Variants in GRID2 observed in about 807,000 individuals in gnomAD.
The protein encoded by GRID2 is glutamate ionotropic receptor delta type subunit 2, also known as glutamate receptor ionotropic, delta-2.
A neutral mutation model predicts 114.8 loss-of-function variants in GRID2; 33 were observed. The observed-to-expected ratio is 0.29, with a 90% CI of 0.22 to 0.38. The LOEUF is 0.38. GRID2 is among the 10% of genes least tolerant of loss of function. The pLI is 1.00. For synonymous variants in GRID2, 505 were observed against 449.9 expected (o/e 1.12, Z -1.55); for missense variants, 1,184 against 1,257.7 (o/e 0.94, Z 0.89).
chr4:93,652,826 A>G (rs1335502564), intron 14 of GRID2, among the ~76,000 whole-genome samples: 8 of 102,872 alleles, frequency 7.8e-5, no homozygotes, highest in South Asian at 3.0e-4. Flanking sequence ...ACTGGAACAA[A>G]AGAGACACCA....
At chr4:92,914,945 A>G (rs971787645) in intron 2 of GRID2, among the ~76,000 whole-genome samples, 22 of 152,074 alleles carry the variant, frequency 1.4e-4, no homozygotes, top group African/African-American at 5.3e-4. Flanking sequence ...GTCTATCTTC[A>G]TGTTGCTATA....
At chr4:92,838,365 T>G in intron 2 of GRID2, among the ~76,000 whole-genome samples, 1 of 152,226 alleles carries the variant, frequency 6.6e-6, no homozygotes, top group East Asian at 1.9e-4. Flanking sequence ...TGTGTCTTTG[T>G]GAGCATGAAA....
At chr4:92,853,357 GAA>G (rs1743960094) in intron 2 of GRID2, among the ~76,000 whole-genome samples, 1 of 151,978 alleles carries the variant, frequency 6.6e-6, no homozygotes, top group African/African-American at 2.4e-5. Flanking sequence ...ATAAATAGAT[GAA>G]TTAATTAATG....
chr4:92,532,507 A>T (rs980698484), intron 1 of GRID2, among the ~76,000 whole-genome samples: 1 of 152,146 alleles, frequency 6.6e-6, no homozygotes, highest in African/African-American at 2.4e-5. Context: ...TAATCATGTG[A>T]AAGTGTAATT....
At chr4:93,131,266 AC>A (rs1050710297) in intron 4 of GRID2, among the ~76,000 whole-genome samples, 1 of 144,614 alleles carries the variant, frequency 6.9e-6, no homozygotes, top group Non-Finnish European at 1.5e-5. Flanking sequence ...CGATTCTCCT[AC>A]CCCAGCCTTC....
intron 14 of GRID2, among the ~76,000 whole-genome samples, chr4:93,706,663 G>A (rs991099958): frequency 1.3e-5 from 2 of 152,054 alleles, no homozygotes; most frequent in Non-Finnish European, 2.9e-5. Flanking sequence ...TGTAAAAAAA[G>A]GATAATTTGA....
intron 2 of GRID2, among the ~76,000 whole-genome samples, chr4:93,019,786 G>A (rs999044470): frequency 1.3e-5 from 2 of 151,874 alleles, no homozygotes; most frequent in Non-Finnish European, 2.9e-5. Flanking sequence ...TTCAAAACTT[G>A]GTCATCGTTT....
chr4:92,933,482 G>C (rs1309882989), intron 2 of GRID2, among the ~76,000 whole-genome samples: 1 of 151,398 alleles, frequency 6.6e-6, no homozygotes, highest in Non-Finnish European at 1.5e-5. Context: ...TATTTCCAAG[G>C]GGCTAATAAG....
At chr4:92,638,885 C>A (rs1389295337) in intron 2 of GRID2, among the ~76,000 whole-genome samples, 3 of 150,616 alleles carry the variant, frequency 2.0e-5, no homozygotes, top group South Asian at 2.1e-4. Context: ...TCTATTTGTT[C>A]AGTTTTTATA....
At chr4:93,571,153 A>T (rs1169937136) in intron 13 of GRID2, among the ~76,000 whole-genome samples, 3 of 152,106 alleles carry the variant, frequency 2.0e-5, no homozygotes, top group Admixed American at 1.3e-4. Flanking sequence ...GTGTATCTCT[A>T]GTATGCTAAA....
At chr4:93,239,269 A>G (rs932515727) in intron 8 of GRID2, among the ~76,000 whole-genome samples, 2 of 149,464 alleles carry the variant, frequency 1.3e-5, no homozygotes, top group African/African-American at 4.9e-5. Context: ...TATATATATC[A>G]TATAAATATA....
intron 2 of GRID2, among the ~76,000 whole-genome samples, chr4:92,681,194 G>T (rs1004728203): frequency 1.2e-4 from 19 of 152,120 alleles, no homozygotes; most frequent in African/African-American, 3.6e-4. Context: ...CTATAGAAAA[G>T]ATAAAACTAC....
chr4:92,999,311 A>G (rs1293604717), intron 2 of GRID2, among the ~76,000 whole-genome samples: 1 of 151,832 alleles, frequency 6.6e-6, no homozygotes, highest in Non-Finnish European at 1.5e-5. Flanking sequence ...AACATTTGTC[A>G]GAGGCTTACA....
At chr4:92,325,683 T>C (rs1726555614) in intron 1 of GRID2, among the ~76,000 whole-genome samples, 1 of 151,812 alleles carries the variant, frequency 6.6e-6, no homozygotes, top group Non-Finnish European at 1.5e-5. Context: ...TTTCTCCTTT[T>C]GGCTTCAGAA....
At chr4:93,673,154 G>A (rs908175335) in intron 14 of GRID2, among the ~76,000 whole-genome samples, 1 of 152,052 alleles carries the variant, frequency 6.6e-6, no homozygotes, top group African/African-American at 2.4e-5. Context: ...TAATTATCTA[G>A]GTTATTACAG....
At chr4:92,596,402 G>A (rs1461669457) in intron 2 of GRID2, among the ~76,000 whole-genome samples, 1 of 152,032 alleles carries the variant, frequency 6.6e-6, no homozygotes, top group Admixed American at 6.6e-5. Context: ...AAATCGTGTT[G>A]TTGAACAGCC....
chr4:93,775,804 C>T (rs1328774766), downstream of GRID2, among the ~76,000 whole-genome samples: 1 of 152,156 alleles, frequency 6.6e-6, no homozygotes, highest in East Asian at 1.9e-4. Context: ...TGCCTTCTTC[C>T]TCATACCATT....
intron 2 of GRID2, among the ~76,000 whole-genome samples, chr4:92,898,693 G>C (rs1352845131): frequency 6.6e-6 from 1 of 152,094 alleles, no homozygotes; most frequent in Non-Finnish European, 1.5e-5. Flanking sequence ...CCAATCCTCT[G>C]AGCTTTGATT....
intron 2 of GRID2, among the ~76,000 whole-genome samples, chr4:93,071,599 T>G (rs577085316): frequency 1.8e-4 from 27 of 151,918 alleles, no homozygotes; most frequent in African/African-American, 5.1e-4. Context: ...AGAAATAAGA[T>G]GAAGGAATAT....
Sources: allele counts gnomAD v4.1 joint callset (sites outside exome capture counted in the v4.1 genomes callset), GRCh38; gene constraint gnomAD v4.1.1; transcripts MANE v1.5; gene names NCBI Gene and HGNC (gene_info 2026-07-23, HGNC 2026-07-21).